PMS2: variants seen among roughly 807,000 people sequenced by gnomAD.
PMS2 encodes the protein PMS1 homolog 2, mismatch repair system component, also known as mismatch repair endonuclease PMS2.
PMS2 carries 69 observed loss-of-function variants against 90.0 expected under a neutral mutation model. The observed-to-expected ratio is 0.77, with a 90% CI of 0.63 to 0.94. The LOEUF is 0.94. Ranked by LOEUF, PMS2 falls within the 40% of genes least tolerant of loss-of-function variation. PMS2 has a pLI of 0.00. For synonymous variants in PMS2, 332 were observed against 375.1 expected (o/e 0.89, Z 1.33); for missense variants, 966 against 1,040.2 (o/e 0.93, Z 0.98).
At position 5,999,181 on chromosome 7, in the gene PMS2, C is replaced by A. The variant is rs587781934; in HGVS notation, c.632G>T (p.Arg211Leu). The stretch of plus-strand genomic sequence containing the variant: ...TCCACCTGTGCATACCACAGGCTGT[C>A]GTTTTCCTTGTCCAAGCTGATTGGT... Reference protein sequence around the residue: ...SCTNQLGQGKRQPVVCTGGSP... With the variant: ...SCTNQLGQGKLQPVVCTGGSP... Residue 211 changes from arginine to leucine, a missense_variant, in exon 6 of 15, where the codon CGA becomes CTA. Transcript: ENST00000265849. 2 of 1,614,028 alleles carry A rather than the reference C, an allele frequency of 1.2e-6. No homozygotes were observed. Among genetic ancestry groups the A allele is most frequent in the Non-Finnish European group, 8.5e-7 (1 of 1,180,000 alleles).
At chr7:5,998,807 C>T (rs375647742) in intron 6 of PMS2, among the ~76,000 whole-genome samples, 8 of 151,724 alleles carry the variant, frequency 5.3e-5, no homozygotes, top group Admixed American at 2.6e-4. Context: ...CTGGCCAACA[C>T]GGTGAAACCC....
rs763422964 is a variant in PMS2, at chr7:5,999,103, A to C, written c.705+5T>G. The C allele has an allele frequency of 6.2e-7, 1 of 1,614,036 alleles. No individual in the cohort carries two copies. The highest frequency in any genetic ancestry group is 1.1e-5 in the South Asian group (1 of 91,088). On this transcript the variant is annotated splice_donor_5th_base_variant and intron_variant, in intron 6 of 14. Coordinates refer to ENST00000265849, the MANE Select transcript of PMS2 (RefSeq NM_000535.7). ...AGAGGCGTTGAAGTAACCGGCCATC[A>C]CTACCTGCTTCTGCCCAAACACAGA...
intron 5 of PMS2, 41 bp downstream of exon 5, chr7:6,002,412 A>C: frequency 7.7e-7 from 1 of 1,307,138 alleles, no homozygotes; most frequent in South Asian, 1.2e-5. Flanking sequence ...GCTCATGTGC[A>C]TTAACCAATA....
chr7:6,004,715 CA>C (rs71008347), intron 2 of PMS2, among the ~76,000 whole-genome samples: 244 of 96,508 alleles, frequency 2.5e-3, no homozygotes, highest in African/African-American at 3.1e-3. Flanking sequence ...AACTCTATCT[CA>C]AAAAAAAAAA....
intron 10 of PMS2, among the ~76,000 whole-genome samples, chr7:5,989,303 C>T (rs1454109236): frequency 2.6e-5 from 4 of 151,798 alleles, no homozygotes; most frequent in Non-Finnish European, 5.9e-5. Flanking sequence ...TGGTGGTGGG[C>T]GCCTGTAATC....
intron 4 of PMS2, chr7:6,003,440 A>G (rs995508573): frequency 4.2e-6 from 2 of 477,466 alleles, no homozygotes; most frequent in Non-Finnish European, 7.4e-6. Flanking sequence ...TCTACATGTT[A>G]GGTTAAAATT....
intron 4 of PMS2, 125 bp downstream of exon 4, chr7:6,003,565 A>T (rs535420607): frequency 3.0e-6 from 2 of 675,034 alleles, no homozygotes; most frequent in African/African-American, 3.6e-5. Flanking sequence ...CAGCGAGACA[A>T]AACAGAATTC....
rs587780064 is a variant in PMS2, at chr7:5,989,956, C to A, written c.989-1G>T. The A allele has an allele frequency of 6.3e-7, 1 of 1,579,764 alleles. No homozygotes were observed. ...GGAGTAACATTGATATCAACGCATT[C>A]TAAGGCAAAAAAGAAAACATATTTA... On this transcript the variant is annotated splice_acceptor_variant, in intron 9 of 14. Coordinates refer to ENST00000265849, the MANE Select transcript of PMS2 (RefSeq NM_000535.7). LOFTEE classifies it high-confidence loss of function.
chr7:6,002,036 T>A (rs1785143513), intron 5 of PMS2: 1 of 170,410 alleles, frequency 5.9e-6, no homozygotes. Context: ...TATATATGTA[T>A]ATATATTTTT....
intron 6 of PMS2, among the ~76,000 whole-genome samples, chr7:5,997,870 A>C (rs1784606505): frequency 6.6e-6 from 1 of 152,126 alleles, no homozygotes; most frequent in South Asian, 2.1e-4. Context: ...CTGGGATTAC[A>C]TGTGTGAGCC....
intron 6 of PMS2, among the ~76,000 whole-genome samples, chr7:5,997,987 G>A (rs1408932140): frequency 6.6e-6 from 1 of 151,860 alleles, no homozygotes; most frequent in Non-Finnish European, 1.5e-5. Flanking sequence ...TTCAGAGAGA[G>A]AGTGAAAAGA....
At chr7:6,007,577 C>T (rs1270753709) in intron 1 of PMS2, among the ~76,000 whole-genome samples, 6 of 152,148 alleles carry the variant, frequency 3.9e-5, no homozygotes, top group African/African-American at 1.2e-4. Flanking sequence ...TTAGCAATTT[C>T]CAGCAAACAG....
rs139438201 is a variant in PMS2 at position 5,992,008 on chromosome 7, T to C, written c.953A>G (p.Tyr318Cys). 353 of 1,600,866 alleles carry C rather than the reference T, an allele frequency of 2.2e-4. No homozygotes were observed. The highest frequency in any genetic ancestry group is 3.3e-4 in the Middle Eastern group (2 of 6,026). The change falls in exon 9 of 15, where the codon TAT (tyrosine) becomes TGT (cysteine). Residue 318 changes from tyrosine (Y) to cysteine (C), a missense_variant. Physicochemically the swap from Tyr to Cys is radical, Grantham distance 194 (BLOSUM62 -2). Around this residue, in one of 2 missense-constraint regions of PMS2, gnomAD observed 871 missense variants for 802.4 expected, o/e 1.09. Transcript: ENST00000265849. ...EVYHMYNRHQ[Y>C]PFVVLNISVD... ...AGAAATGTTAAGAACAACAAATGGATACTGGTGTCGATTATACATGTGGTA... is the reference window on the plus strand; with the variant it reads ...AGAAATGTTAAGAACAACAAATGGACACTGGTGTCGATTATACATGTGGTA...
At chr7:5,983,025 T>G (rs1316083533) in intron 11 of PMS2, 34 bp from the exon 12 acceptor site, 29 of 1,494,796 alleles carry the variant, frequency 1.9e-5, no homozygotes, top group Non-Finnish European at 2.5e-5. Flanking sequence ...TCAGACATTT[T>G]ACAAGATTAT....
chr7:5,988,946 C>T (rs145381793), intron 10 of PMS2, among the ~76,000 whole-genome samples: 1 of 152,094 alleles, frequency 6.6e-6, no homozygotes, highest in Non-Finnish European at 1.5e-5. Flanking sequence ...AGCCCCTCCT[C>T]CCGGGTTCAC....
intron 1 of PMS2, among the ~76,000 whole-genome samples, chr7:6,006,288 T>C (rs1445825321): frequency 1.3e-5 from 2 of 152,144 alleles, no homozygotes; most frequent in African/African-American, 4.8e-5. Context: ...AAGATCCACA[T>C]GGAGAAAACA....
chr7:5,983,835 A>G (rs1261177566), intron 11 of PMS2, among the ~76,000 whole-genome samples: 1 of 151,470 alleles, frequency 6.6e-6, no homozygotes. Context: ...TATTTTTAGT[A>G]GAGACAAGGT....
rs587782789 is a variant in PMS2, at chr7:5,987,561, G to A, written c.1204C>T (p.Gln402Ter). 6.2e-7 allele frequency: 1 copy of A among 1,613,352 alleles called. No homozygotes were observed. Among genetic ancestry groups the A allele is most frequent in the Non-Finnish European group, 8.5e-7 (1 of 1,179,380 alleles). ...LEKPMVEKQD[Q>*]SPSLRTGEEK... ...TCTCCAGTCCTTAATGAAGGGGATTGATCCTGCTTTTCTACCATGGGCTTT... is the reference window on the plus strand; with the variant it reads ...TCTCCAGTCCTTAATGAAGGGGATTAATCCTGCTTTTCTACCATGGGCTTT... Residue 402 changes from glutamine (Q) to a stop codon, truncating the protein, a stop_gained, in exon 11 of 15, where the codon CAA becomes TAA. Coordinates refer to ENST00000265849, the MANE Select transcript of PMS2 (RefSeq NM_000535.7). LOFTEE classifies it high-confidence loss of function.
chr7:6,002,131 G>A (rs1478280439), intron 5 of PMS2: 1 of 314,970 alleles, frequency 3.2e-6, no homozygotes, highest in African/African-American at 2.2e-5. Context: ...CTGGGCTCAA[G>A]TGATCCTCCC....
Sources: gnomAD v4.1 joint callset for allele counts (sites outside exome capture counted in the v4.1 genomes callset) on GRCh38, gnomAD v4.1.1 for gene constraint, gnomAD v4.1.1 regional missense constraint, MANE v1.5 for transcripts, NCBI Gene and HGNC (gene_info 2026-07-23, HGNC 2026-07-21) for gene names.